The following ZDHHC2 variants were observed in gnomAD, a reference collection of about 807,000 sequenced individuals.
ZDHHC2 encodes the protein palmitoyltransferase ZDHHC2.
In ZDHHC2, 51 loss-of-function variants were observed where a neutral mutation model predicts 55.6. That is an observed-to-expected ratio of 0.92 (90% confidence interval 0.73 to 1.16). The LOEUF (loss-of-function observed/expected upper bound fraction) is 1.16. Among genes scored for constraint, ZDHHC2 ranks in the 50% most tolerant of loss-of-function variants. The probability of loss-of-function intolerance (pLI) is 0.00; values close to 1 mark genes in which losing one functional copy is unlikely to be tolerated. For synonymous variants in ZDHHC2, 199 were observed against 152.9 expected, an observed-to-expected ratio of 1.30 and a Z score of -2.22; for missense variants, 491 against 442.4, an observed-to-expected ratio of 1.11 and a Z score of -0.99.
intron 12 of ZDHHC2, 71 bp downstream of exon 12, chr8:17,217,317 C>G: frequency 2.7e-6 from 3 of 1,109,882 alleles, no homozygotes; most frequent in Non-Finnish European, 1.3e-6. Context: ...AAATAGTTTC[C>G]ATAAACATTT....
intron 1 of ZDHHC2, among the ~76,000 whole-genome samples, chr8:17,159,641 A>G (rs1804231813): frequency 6.6e-6 from 1 of 152,208 alleles, no homozygotes; most frequent in Admixed American, 6.5e-5. Context: ...TGTATTTTAT[A>G]AAAATAACCT....
chr8:17,195,714 T>C, intron 4 of ZDHHC2, 90 bp downstream of exon 4: 1 of 1,493,556 alleles, frequency 6.7e-7, no homozygotes, highest in Non-Finnish European at 9.2e-7. Flanking sequence ...CTTGAAATGG[T>C]AAAACACTCA....
chr8:17,157,552 C>A (rs1036754361), intron 1 of ZDHHC2: 3 of 152,152 alleles, frequency 2.0e-5, no homozygotes, highest in Non-Finnish European at 4.4e-5. Context: ...GGCTCCAGTC[C>A]GAGTTCGAGG....
intron 6 of ZDHHC2, among the ~76,000 whole-genome samples, chr8:17,202,038 CT>C (rs1461582564): frequency 6.6e-6 from 1 of 151,886 alleles, no homozygotes; most frequent in African/African-American, 2.4e-5. Flanking sequence ...TATTTTTTTC[CT>C]TTAGTATAAG....
intron 1 of ZDHHC2, among the ~76,000 whole-genome samples, chr8:17,176,955 A>G (rs561030490): frequency 3.3e-5 from 5 of 152,308 alleles, no homozygotes; most frequent in African/African-American, 9.6e-5. Flanking sequence ...TAAACTGAAA[A>G]TGTTAACGTG....
intron 1 of ZDHHC2, among the ~76,000 whole-genome samples, chr8:17,178,309 C>T (rs1234309664): frequency 1.3e-5 from 2 of 152,122 alleles, no homozygotes; most frequent in African/African-American, 2.4e-5. Flanking sequence ...TGATCTCCTG[C>T]TTTTAATCAA....
intron 8 of ZDHHC2, 115 bp from the exon 9 acceptor site, chr8:17,209,813 ACAGT>A: frequency 8.2e-7 from 1 of 1,219,326 alleles, no homozygotes; most frequent in Middle Eastern, 2.3e-4. Context: ...ATAAGCCCTC[ACAGT>A]CAGCTAGCCA....
chr8:17,193,458 A>G (rs1806140393), intron 3 of ZDHHC2, among the ~76,000 whole-genome samples: 1 of 152,206 alleles, frequency 6.6e-6, no homozygotes, highest in African/African-American at 2.4e-5. Context: ...TGTGGCCAAC[A>G]CCACTGGGAC....
At chr8:17,164,401 G>A (rs1423323446) in intron 1 of ZDHHC2, among the ~76,000 whole-genome samples, 3 of 152,130 alleles carry the variant, frequency 2.0e-5, no homozygotes, top group African/African-American at 4.8e-5. Context: ...ATGAGTAAGT[G>A]CGTTTATGGA....
Position 17,199,532 on chromosome 8 carries a change from C to CGTCTTCGTCT in ZDHHC2, c.476+1119_476+1120insGTCTTCGTCT, listed in dbSNP as rs1554466075. ...TCTTCTTCGTCTTCGTCTTCGTCTTCTGTCTTCGTCTTCTGTCTTCGTCTT... is the reference window on the plus strand; with the variant it reads ...TCTTCTTCGTCTTCGTCTTCGTCTTCGTCTTCGTCTTGTCTTCGTCTTCTGTCTTCGTCTT... On this transcript the variant is annotated intron_variant, in intron 6 of 12. Transcript: ENST00000262096. 3.4e-5 allele frequency among the ~76,000 whole-genome samples: 4 copies of CGTCTTCGTCT among 117,502 alleles called. 1 individual carries two copies. The highest frequency in any genetic ancestry group is 3.3e-4 in the South Asian group (1 of 3,060). The allele number at this position is 117,502 out of a possible 152,430, so 77.1% of individuals were successfully genotyped here. A position where few individuals can be genotyped will look rare whatever the true frequency, so the allele number is the denominator to read the frequency against.
Position 17,207,947 on chromosome 8 carries a change from C to T in ZDHHC2, c.598-13C>T, listed in dbSNP as rs1807188641. 1 of 1,484,552 alleles carries T rather than the reference C, an allele frequency of 6.7e-7. No individual in the cohort carries two copies. Among genetic ancestry groups the T allele is most frequent in the East Asian group, 2.5e-5 (1 of 39,668 alleles). The allele number at this position is 1,484,552 out of a possible 1,614,324, so 92.0% of individuals were successfully genotyped here. On this transcript the variant is annotated splice_polypyrimidine_tract_variant and intron_variant, in intron 7 of 12. Coordinates refer to ENST00000262096, the MANE Select transcript of ZDHHC2 (RefSeq NM_016353.5). ...CTTTGACAAAACATGTTATTTTCTT[C>T]CTTTCTTTATAGAATGGCCTACCTG...
rs1807055401 is a variant in ZDHHC2, at chr8:17,205,509, T to C, written c.477-146T>C. On this transcript the variant is annotated intron_variant, in intron 6 of 12. Transcript: ENST00000262096. ...TTTAGTGAAATGGATTTTTACATGA[T>C]TGTATGCATAAAGAAATCTTATGAG... 5 of 881,170 alleles carry C rather than the reference T, an allele frequency of 5.7e-6. No homozygotes were observed. In the East Asian group the frequency reaches 8.8e-5, roughly 16 times the overall value. The allele number at this position is 881,170 out of a possible 1,614,324, so 54.6% of individuals were successfully genotyped here.
At chr8:17,165,923 A>T (rs1012687888) in intron 1 of ZDHHC2, among the ~76,000 whole-genome samples, 2 of 152,240 alleles carry the variant, frequency 1.3e-5, no homozygotes, top group Admixed American at 6.5e-5. Context: ...GCACAGAGGC[A>T]GGGGTCAGCC....
At chr8:17,216,958 T>G (rs184743466) in intron 11 of ZDHHC2, among the ~76,000 whole-genome samples, 1 of 152,220 alleles carries the variant, frequency 6.6e-6, no homozygotes, top group Non-Finnish European at 1.5e-5. Context: ...CTGTTTTTAG[T>G]GTTTTGTGTG....
chr8:17,178,443 C>A (rs1805262011), intron 1 of ZDHHC2, among the ~76,000 whole-genome samples: 1 of 152,134 alleles, frequency 6.6e-6, no homozygotes, highest in South Asian at 2.1e-4. Flanking sequence ...GTGGAGAACC[C>A]TGACTAATAC....
At chr8:17,202,201 G>T (rs1345824280) in intron 6 of ZDHHC2, among the ~76,000 whole-genome samples, 4 of 152,140 alleles carry the variant, frequency 2.6e-5, no homozygotes, top group African/African-American at 7.2e-5. Flanking sequence ...TTTTAACAGC[G>T]ACAGAAGTAG....
intron 8 of ZDHHC2, among the ~76,000 whole-genome samples, chr8:17,208,812 T>G (rs1333924109): frequency 6.6e-6 from 1 of 152,116 alleles, no homozygotes; most frequent in African/African-American, 2.4e-5. Context: ...AAAAGCAAAT[T>G]TATTGTTTCT....
At chr8:17,157,788 C>T (rs1367596501) in intron 1 of ZDHHC2, among the ~76,000 whole-genome samples, 2 of 152,134 alleles carry the variant, frequency 1.3e-5, no homozygotes, top group Non-Finnish European at 2.9e-5. Context: ...TGGTGCTCCA[C>T]CTAACAAAGT....
intron 10 of ZDHHC2, among the ~76,000 whole-genome samples, chr8:17,213,028 C>G (rs1286520361): frequency 6.6e-6 from 1 of 152,080 alleles, no homozygotes; most frequent in East Asian, 1.9e-4. Flanking sequence ...TTACAATCCT[C>G]AGACACAGAT....
Sources: allele counts gnomAD v4.1 joint callset (sites outside exome capture counted in the v4.1 genomes callset), GRCh38; gene constraint gnomAD v4.1.1; transcripts MANE v1.5; gene names NCBI Gene and HGNC (gene_info 2026-07-23, HGNC 2026-07-21).